The following RALGAPA2 variants were observed in gnomAD, a reference collection of about 807,000 sequenced individuals.
The protein encoded by RALGAPA2 is ral GTPase-activating protein subunit alpha-2.
A neutral mutation model predicts 230.4 loss-of-function variants in RALGAPA2; 139 were observed. That is an observed-to-expected ratio of 0.60 (90% CI 0.53 to 0.69). The LOEUF (loss-of-function observed/expected upper bound fraction) is 0.69, where lower values mean the gene tolerates loss of function less well. Among genes scored for constraint, RALGAPA2 ranks in the 30% least tolerant of loss-of-function variants. RALGAPA2 has a pLI of 0.00. For synonymous variants in RALGAPA2, 847 were observed against 837.8 expected (o/e 1.01, Z -0.19); for missense variants, 2,163 against 2,276.0 (o/e 0.95, Z 1.01).
At position 20,512,368 on chromosome 20, in the gene RALGAPA2, A is replaced by T. The variant is rs370701431; in HGVS notation, c.4856+145T>A. 1.5e-4 allele frequency: 124 copies of T among 849,794 alleles called. 1 individual carries two copies. In the East Asian group the frequency reaches 3.2e-3, roughly 22 times the overall value. 52.6% of individuals were successfully genotyped at this position (849,794 alleles called of 1,614,324 possible). ...TCTAGCTTTAATTTAGTAGCAGAAA[A>T]TAAGCTGCAAATGTTAAAATAAAGA... On this transcript the variant is annotated intron_variant, in intron 32 of 39. Transcript: ENST00000202677.
intron 37 of RALGAPA2, among the ~76,000 whole-genome samples, chr20:20,436,335 C>A (rs921379081): frequency 6.6e-6 from 1 of 152,226 alleles, no homozygotes; most frequent in Non-Finnish European, 1.5e-5. Context: ...ATGTGCTTTG[C>A]ATGAGTTTTC....
chr20:20,598,165 T>C (rs1037118228), intron 16 of RALGAPA2, among the ~76,000 whole-genome samples: 2 of 152,208 alleles, frequency 1.3e-5, no homozygotes, highest in Non-Finnish European at 2.9e-5. Context: ...AATTACTGCT[T>C]TTTGGCACTG....
Position 20,678,557 on chromosome 20 carries a change from G to A in RALGAPA2, c.217+2134C>T, listed in dbSNP as rs551306100. On this transcript the variant is annotated intron_variant, in intron 2 of 39. Transcript: ENST00000202677. ...CCTTACATAGAAAGGTCACCTGTAC[G>A]CTCCTCTCCATGTCTCTTCTTTTTC... 5.9e-5 allele frequency among the ~76,000 whole-genome samples: 9 copies of A among 151,986 alleles called. No homozygotes were observed. The East Asian group carries it at 9.7e-4, about 16-fold the overall frequency.
At chr20:20,481,319 T>C (rs2061769246) in intron 36 of RALGAPA2, among the ~76,000 whole-genome samples, 1 of 152,224 alleles carries the variant, frequency 6.6e-6, no homozygotes, top group Non-Finnish European at 1.5e-5. Flanking sequence ...AATGCAGACA[T>C]CTTGATGGTC....
At position 20,591,212 on chromosome 20, in the gene RALGAPA2, T is replaced by A. The variant is rs761260274; in HGVS notation, c.2306A>T (p.Asp769Val). ...ATCTGAGCACAGCGGCTCGGGGATG[T>A]CGGAGGTGCTGCTGCTCCGAAGGAC... is the stretch of plus-strand genomic sequence containing the variant. The part of the protein sequence containing the change: ...QQVLRSSSTS[D>V]IPEPLCSDSS... The change falls in exon 17 of 40, where the codon GAC becomes GTC. Residue 769 changes from aspartate to valine, a missense_variant. Physicochemically the swap from Asp to Val is radical, Grantham distance 152 (BLOSUM62 -3). Transcript: ENST00000202677. The A allele has an allele frequency of 1.2e-6, 2 of 1,613,834 alleles. No homozygotes were observed. Among genetic ancestry groups the A allele is most frequent in the East Asian group, 2.2e-5 (1 of 44,866 alleles).
At chr20:20,500,394 G>A (rs1159127035) in intron 35 of RALGAPA2, among the ~76,000 whole-genome samples, 1 of 152,130 alleles carries the variant, frequency 6.6e-6, no homozygotes, top group Non-Finnish European at 1.5e-5. Flanking sequence ...ATCTTTTGTT[G>A]TAATTTCAAC....
chr20:20,424,185 C>A (rs1442938140), intron 37 of RALGAPA2, among the ~76,000 whole-genome samples: 1 of 152,184 alleles, frequency 6.6e-6, no homozygotes, highest in African/African-American at 2.4e-5. Flanking sequence ...TGTGAAGGAG[C>A]ACATCCTTAA....
chr20:20,467,562 C>CATTGATTG (rs151295621), intron 37 of RALGAPA2, among the ~76,000 whole-genome samples: 7 of 151,972 alleles, frequency 4.6e-5, no homozygotes, highest in African/African-American at 1.2e-4. Context: ...GTGCAAGAGC[C>CATTGATTG]ATTGATTGAT....
In RALGAPA2 at chr20:20,521,006, G is replaced by C; in HGVS notation, c.3995C>G (p.Pro1332Arg). Residue 1332 changes from proline (P) to arginine (R), a missense_variant, in exon 31 of 40, where the codon CCC (proline) becomes CGC (arginine). Pro to Arg is a moderately radical substitution (Grantham distance 103). Coordinates refer to ENST00000202677, the MANE Select transcript of RALGAPA2 (RefSeq NM_020343.4). ...CTTCACATTTGCCAGTGGCAGGAAGGGGTCATAATCCGTGGATGACAAGTC... is the reference window on the plus strand; with the variant it reads ...CTTCACATTTGCCAGTGGCAGGAAGCGGTCATAATCCGTGGATGACAAGTC... The part of the protein sequence containing the change: ...LADLSSTDYD[P>R]FLPLANVKSS... 6.2e-7 allele frequency: 1 copy of C among 1,613,920 alleles called. No homozygotes were observed. The highest frequency in any genetic ancestry group is 8.5e-7 in the Non-Finnish European group (1 of 1,179,840).
At chr20:20,435,526 ATAT>A (rs2060590935) in intron 37 of RALGAPA2, among the ~76,000 whole-genome samples, 1 of 152,246 alleles carries the variant, frequency 6.6e-6, no homozygotes, top group African/African-American at 2.4e-5. Context: ...GTACGGAATC[ATAT>A]TATATCTGAA....
At chr20:20,413,023 A>C (rs1202226819) in intron 37 of RALGAPA2, among the ~76,000 whole-genome samples, 2 of 152,246 alleles carry the variant, frequency 1.3e-5, no homozygotes, top group African/African-American at 4.8e-5. Flanking sequence ...GAGGCACTGC[A>C]CATACGACGT....
At chr20:20,399,847 C>T (rs190229709) in intron 38 of RALGAPA2, among the ~76,000 whole-genome samples, 58 of 152,332 alleles carry the variant, frequency 3.8e-4, no homozygotes, top group East Asian at 1.5e-3. Flanking sequence ...CATCCAGAAC[C>T]GCCACCTGGG....
chr20:20,550,981 A>C (rs2145751873), intron 23 of RALGAPA2, among the ~76,000 whole-genome samples: 1 of 152,360 alleles, frequency 6.6e-6, no homozygotes, highest in Admixed American at 6.5e-5. Context: ...AAGGTGGCAC[A>C]CAAACAAGCC....
chr20:20,503,532 A>G, intron 34 of RALGAPA2, 26 bp from the exon 35 acceptor site: 2 of 1,496,166 alleles, frequency 1.3e-6, no homozygotes, highest in Non-Finnish European at 8.9e-7. Flanking sequence ...AAGAAGAAAG[A>G]GTGAGGATCA....
chr20:20,563,156 T>A (rs1290131995), intron 23 of RALGAPA2, among the ~76,000 whole-genome samples: 1 of 152,228 alleles, frequency 6.6e-6, no homozygotes, highest in Non-Finnish European at 1.5e-5. Flanking sequence ...CCTGTCCTTA[T>A]AAATATTATC....
At chr20:20,431,160 G>C (rs1250483135) in intron 37 of RALGAPA2, among the ~76,000 whole-genome samples, 1 of 152,156 alleles carries the variant, frequency 6.6e-6, no homozygotes, top group Non-Finnish European at 1.5e-5. Context: ...GGAGGCAGGA[G>C]GAAAACATCA....
intron 38 of RALGAPA2, among the ~76,000 whole-genome samples, chr20:20,404,308 AAGGAACCGGC>A (rs2059905177): frequency 6.6e-6 from 1 of 152,170 alleles, no homozygotes; most frequent in Admixed American, 6.5e-5. Flanking sequence ...AATGGGCAAA[AAGGAACCGGC>A]AGGTTTAGTT....
At chr20:20,578,592 G>A (rs1277457417) in intron 20 of RALGAPA2, among the ~76,000 whole-genome samples, 1 of 152,100 alleles carries the variant, frequency 6.6e-6, no homozygotes, top group African/African-American at 2.4e-5. Flanking sequence ...TTGGTAGTTG[G>A]CAAAATAAGC....
intron 31 of RALGAPA2, among the ~76,000 whole-genome samples, chr20:20,518,176 C>A (rs1375749263): frequency 1.3e-5 from 2 of 152,092 alleles, no homozygotes; most frequent in Non-Finnish European, 2.9e-5. Context: ...CTGCCTCAGC[C>A]TCCTGAGTAG....
Sources: gnomAD v4.1 joint callset for allele counts (sites outside exome capture counted in the v4.1 genomes callset) on GRCh38, gnomAD v4.1.1 for gene constraint, MANE v1.5 for transcripts, NCBI Gene and HGNC (gene_info 2026-07-23, HGNC 2026-07-21) for gene names.